The following CFAP43 variants were observed in gnomAD, a reference collection of about 807,000 sequenced individuals.
CFAP43 encodes the protein cilia- and flagella-associated protein 43.
In CFAP43, 155 loss-of-function variants were observed where a neutral mutation model predicts 218.9. The ratio of observed to expected loss-of-function variants is 0.71; its 90% CI spans 0.62 to 0.81. CFAP43 has a LOEUF of 0.81. Among genes scored for constraint, CFAP43 ranks in the 30% least tolerant of loss-of-function variants. CFAP43 has a pLI of 0.00. For missense variants in CFAP43, 1,778 were observed against 1,954.3 expected (o/e 0.91, Z 1.70); for synonymous variants, 645 against 681.3 (o/e 0.95, Z 0.83).
chr10:104,149,746 C>T (rs1428238366), intron 28 of CFAP43, among the ~76,000 whole-genome samples: 1 of 152,012 alleles, frequency 6.6e-6, no homozygotes, highest in Non-Finnish European at 1.5e-5. Context: ...TCTCAGCATA[C>T]CTTTAAAAAA....
At chr10:104,141,068 A>T in intron 33 of CFAP43, 67 bp from the exon 34 acceptor site, 2 of 1,476,034 alleles carry the variant, frequency 1.4e-6, no homozygotes, top group Non-Finnish European at 1.8e-6. Context: ...TTATCTGAGA[A>T]TATAAAAATC....
intron 7 of CFAP43, among the ~76,000 whole-genome samples, chr10:104,205,675 T>C (rs2134955999): frequency 6.6e-6 from 1 of 152,328 alleles, no homozygotes; most frequent in East Asian, 1.9e-4. Flanking sequence ...GGAATTGGGT[T>C]ACAGATATTA....
chr10:104,150,034 A>G (rs2088173369), intron 28 of CFAP43, among the ~76,000 whole-genome samples: 3 of 152,196 alleles, frequency 2.0e-5, no homozygotes, highest in Admixed American at 6.5e-5. Context: ...CAAAAATGGA[A>G]TCATACAATA....
intron 11 of CFAP43, 151 bp downstream of exon 11, chr10:104,193,715 G>A (rs937268890): frequency 5.2e-5 from 57 of 1,106,312 alleles, no homozygotes; most frequent in Admixed American, 4.0e-4. Context: ...ACAGCCCTCT[G>A]TACCTTTTGA....
intron 37 of CFAP43, 111 bp downstream of exon 37, chr10:104,131,220 A>G: frequency 2.3e-6 from 3 of 1,288,664 alleles, no homozygotes; most frequent in Non-Finnish European, 3.2e-6. Flanking sequence ...ATTTTAAACA[A>G]TGTATTTTTA....
At chr10:104,199,539 T>A (rs1333736284) in intron 8 of CFAP43, among the ~76,000 whole-genome samples, 1 of 152,218 alleles carries the variant, frequency 6.6e-6, no homozygotes, top group South Asian at 2.1e-4. Context: ...TACCTTCTGC[T>A]GGGAGATTCA....
At chr10:104,187,596 C>A in intron 13 of CFAP43, 104 bp from the exon 14 acceptor site, 1 of 1,000,068 alleles carries the variant, frequency 1.0e-6, no homozygotes, top group Non-Finnish European at 1.4e-6. Context: ...TTTAAATGCT[C>A]AACTAATATT....
chr10:104,152,777 T>C lies in CFAP43; in HGVS notation c.3541-51A>G, dbSNP rs1375795057. 4 of 1,565,340 alleles carry C rather than the reference T, an allele frequency of 2.6e-6. No individual in the cohort carries two copies. In the South Asian group the frequency reaches 4.8e-5, roughly 19 times the overall value. Reference sequence around the variant, plus strand: ...AACGTTTAAGAGTATTAAAGGCTCCTAGGAAGTGATGTTTACATTTCACCA... The same window carrying C: ...AACGTTTAAGAGTATTAAAGGCTCCCAGGAAGTGATGTTTACATTTCACCA... On this transcript the variant is annotated intron_variant, in intron 27 of 37. Transcript: ENST00000357060.
intron 36 of CFAP43, 47 bp from the exon 37 acceptor site, chr10:104,131,531 A>C: frequency 6.4e-7 from 1 of 1,563,704 alleles, no homozygotes; most frequent in Non-Finnish European, 8.6e-7. Context: ...ATTTTGAAAA[A>C]TGTAATTTAT....
rs769361980 is a variant in CFAP43, at chr10:104,167,674, T to C, written c.2755A>G (p.Lys919Glu). ...PMKARTVEELKELERVLQQKK... is the reference protein window; with the variant it reads ...PMKARTVEELEELERVLQQKK... ...TGCTGTAAAACTCTTTCCAATTCTT[T>C]CAGCTCTTCAACCGTGCGCGCTTTC... is the stretch of plus-strand genomic sequence containing the variant. Residue 919 changes from lysine to glutamate, a missense_variant, in exon 22 of 38, where the codon AAA becomes GAA. By Grantham distance (56) the Lys-to-Glu change is moderately conservative. Transcript: ENST00000357060. 3.5e-5 allele frequency: 56 copies of C among 1,612,608 alleles called. No homozygotes were observed. The highest frequency in any genetic ancestry group is 4.2e-5 in the Non-Finnish European group (49 of 1,179,656).
intron 5 of CFAP43, among the ~76,000 whole-genome samples, chr10:104,208,075 C>T (rs1251041728): frequency 2.6e-5 from 4 of 152,012 alleles, no homozygotes; most frequent in African/African-American, 9.7e-5. Context: ...ATCTGGTCAC[C>T]CAGTGGATCA....
intron 3 of CFAP43, among the ~76,000 whole-genome samples, chr10:104,222,446 G>A (rs1020169897): frequency 9.2e-5 from 14 of 152,232 alleles, no homozygotes; most frequent in Non-Finnish European, 2.1e-4. Flanking sequence ...GGCTGGAAGA[G>A]TGTCTGTCTC....
rs535612704 is a variant in CFAP43, at chr10:104,198,402, C to A, written c.1096-364G>T. ...GGTTCAAGCATTCTCCTGCCTCAGC[C>A]TCCTGAGTAGCTGGGATTACAGGCA... On this transcript the variant is annotated intron_variant, in intron 8 of 37. Coordinates refer to ENST00000357060, the MANE Select transcript of CFAP43 (RefSeq NM_025145.7). 2.6e-5 allele frequency among the ~76,000 whole-genome samples: 4 copies of A among 152,268 alleles called. No individual in the cohort carries two copies. The South Asian group carries it at 8.3e-4, about 32-fold the overall frequency.
intron 24 of CFAP43, 77 bp from the exon 25 acceptor site, chr10:104,162,480 AGGCT>A: frequency 7.8e-7 from 1 of 1,282,960 alleles, no homozygotes; most frequent in Non-Finnish European, 1.1e-6. Context: ...TACTGGGAGG[AGGCT>A]GGAAGATACT....
intron 27 of CFAP43, among the ~76,000 whole-genome samples, chr10:104,154,692 T>G (rs892551670): frequency 6.6e-6 from 1 of 152,208 alleles, no homozygotes; most frequent in Non-Finnish European, 1.5e-5. Context: ...CTGGGCCTTT[T>G]GAGGGTCTCT....
At chr10:104,180,343 A>T (rs2089786547) in intron 17 of CFAP43, among the ~76,000 whole-genome samples, 1 of 152,014 alleles carries the variant, frequency 6.6e-6, no homozygotes, top group South Asian at 2.1e-4. Context: ...TCCCTTTTAC[A>T]GGATCTTTCC....
At chr10:104,179,244 A>C (rs1218804092) in intron 18 of CFAP43, 138 bp from the exon 19 acceptor site, 8 of 636,524 alleles carry the variant, frequency 1.3e-5, no homozygotes, top group Non-Finnish European at 2.1e-5. Context: ...ATGAAGTAAT[A>C]CCACTGCAGT....
chr10:104,223,293 C>G (rs1172421198), intron 3 of CFAP43, among the ~76,000 whole-genome samples: 2 of 151,514 alleles, frequency 1.3e-5, no homozygotes, highest in South Asian at 2.1e-4. Context: ...TATTTTATGG[C>G]CAAAAAAAAA....
rs769644410 is a variant in CFAP43 at position 104,146,272 on chromosome 10, T to C, written c.3846A>G (p.Ala1282=). 3.1e-6 allele frequency: 5 copies of C among 1,613,614 alleles called. No individual in the cohort carries two copies. The highest frequency in any genetic ancestry group is 4.2e-6 in the Non-Finnish European group (5 of 1,179,562). ...AGACAACAACTCTCACTTTGTCTTC[T>C]GCCAGTAAGTTGTCATAGTGCTCCT... The part of the protein sequence containing the change: ...VCKEHYDNLL[A]EDKVMDRSFK... Residue 1282 remains alanine, a synonymous_variant, in exon 30 of 38, where the codon GCA becomes GCG. Transcript: ENST00000357060.
Sources: gnomAD v4.1 joint callset for allele counts (sites outside exome capture counted in the v4.1 genomes callset) on GRCh38, gnomAD v4.1.1 for gene constraint, MANE v1.5 for transcripts, NCBI Gene and HGNC (gene_info 2026-07-23, HGNC 2026-07-21) for gene names.